Variants in TBCD observed in about 807,000 individuals in gnomAD.
TBCD encodes the protein tubulin-specific chaperone D.
Under a neutral mutation model 169.3 loss-of-function variants are expected in TBCD, and 105 were observed. The observed-to-expected ratio is 0.62, with a 90% CI of 0.53 to 0.73. The LOEUF (loss-of-function observed/expected upper bound fraction) is 0.73, where lower values mean the gene tolerates loss of function less well. Ranked by LOEUF, TBCD falls within the 30% of genes least tolerant of loss-of-function variation. TBCD has a pLI of 0.00. For missense variants in TBCD, 1,444 were observed against 1,600.1 expected (o/e 0.90, Z 1.66); for synonymous variants, 700 against 643.9 (o/e 1.09, Z -1.32).
At chr17:82,761,652 C>G (rs906825869) in intron 2 of TBCD, among the ~76,000 whole-genome samples, 1 of 151,896 alleles carries the variant, frequency 6.6e-6, no homozygotes. Context: ...CCGGGACTTA[C>G]CATTGTTGGT....
chr17:82,891,774 G>C (rs2059154060), intron 16 of TBCD, among the ~76,000 whole-genome samples: 1 of 152,130 alleles, frequency 6.6e-6, no homozygotes. Flanking sequence ...GAGGGGGCTG[G>C]GGGCAGAGAC....
In TBCD at chr17:82,904,536, AG is replaced by A. The variant is rs1451271811; in HGVS notation, c.1804+1059del. On this transcript the variant is annotated intron_variant, in intron 19 of 38. Transcript: ENST00000355528. ...AAGTCTGCACTTCTTACACTTCATC[AG>A]TGAAGAGAGAAATCCTGTTTGTTCT... Among the ~76,000 whole-genome samples the A allele has an allele frequency of 3.9e-5, 6 of 152,230 alleles. No homozygotes were observed. The East Asian group carries it at 1.2e-3, about 29-fold the overall frequency.
Position 82,915,802 on chromosome 17 carries a change from G to C in TBCD, c.2038+4013G>C, listed in dbSNP as rs1414278965. 6.6e-6 allele frequency among the ~76,000 whole-genome samples: 1 copy of C among 152,146 alleles called. No individual in the cohort carries two copies. Among genetic ancestry groups the C allele is most frequent in the Non-Finnish European group, 1.5e-5 (1 of 68,014 alleles). Reference sequence around the variant, plus strand: ...AGACGGGAGGGAAACCAGAGGGACTGGTGAGCCTTGAGTCGGCCACAGGTG... The same window carrying C: ...AGACGGGAGGGAAACCAGAGGGACTCGTGAGCCTTGAGTCGGCCACAGGTG... On this transcript the variant is annotated intron_variant, in intron 23 of 38. Transcript: ENST00000355528. This position sits in a 1 kb window ranked among gnomAD's most constrained non-coding sequence, Gnocchi z 4.3.
In TBCD at chr17:82,932,628, CCAGGGTCTCA is replaced by C; in HGVS notation, c.3114-26_3114-17del. ...AGTTGGGCGTCCTTGTTGCTGGTGT[CCAGGGTCTCA>C]CAGCTCCTTCTCCCCTCAGGGTGTC... On this transcript the variant is annotated intron_variant, in intron 33 of 38. Coordinates refer to ENST00000355528, the MANE Select transcript of TBCD (RefSeq NM_005993.5). 1 of 1,603,892 alleles carries C rather than the reference CCAGGGTCTCA, an allele frequency of 6.2e-7. No homozygotes were observed. Among genetic ancestry groups the C allele is most frequent in the Non-Finnish European group, 8.5e-7 (1 of 1,174,196 alleles).
intron 13 of TBCD, among the ~76,000 whole-genome samples, chr17:82,852,483 C>T (rs765892747): frequency 3.8e-4 from 58 of 152,242 alleles, no homozygotes; most frequent in Non-Finnish European, 7.1e-4. Context: ...GCAGCAGGCT[C>T]GGTTTCTTCC....
chr17:82,828,028 C>G (rs1252402308), intron 13 of TBCD, among the ~76,000 whole-genome samples: 1 of 151,448 alleles, frequency 6.6e-6, no homozygotes, highest in Non-Finnish European at 1.5e-5. Flanking sequence ...TACACGTGGA[C>G]ACGCACGATT....
At chr17:82,828,168 C>T (rs1329636710) in intron 13 of TBCD, among the ~76,000 whole-genome samples, 2 of 146,640 alleles carry the variant, frequency 1.4e-5, no homozygotes, top group Non-Finnish European at 3.0e-5. Context: ...CACATGCACA[C>T]CCGTACAATC....
At chr17:82,926,646 G>T (rs182595053) in intron 28 of TBCD, among the ~76,000 whole-genome samples, 155 bp downstream of exon 28, 5 of 152,326 alleles carry the variant, frequency 3.3e-5, no homozygotes, top group Non-Finnish European at 7.3e-5. Flanking sequence ...GCTGCTGGAG[G>T]CTCTTTCATT....
In TBCD at chr17:82,903,268, T is replaced by TGTGA. The variant is rs541601361; in HGVS notation, c.1731-123_1731-120dup. 1.5e-4 allele frequency: 112 copies of TGTGA among 747,064 alleles called. No individual in the cohort carries two copies. The East Asian group carries it at 1.7e-3, about 11-fold the overall frequency. The allele number at this position is 747,064 out of a possible 1,614,324, so 46.3% of individuals were successfully genotyped here. The stretch of plus-strand genomic sequence containing the variant: ...AGTCGGAGGTTCTTGTACTGGTTCG[T>TGTGA]GTGAGTGAGTGAGTGAGCCTCTGCT... On this transcript the variant is annotated intron_variant, in intron 18 of 38. Coordinates refer to ENST00000355528, the MANE Select transcript of TBCD (RefSeq NM_005993.5). This position sits in a 1 kb window ranked among gnomAD's most constrained non-coding sequence, Gnocchi z 4.8.
rs776833434 is a variant in TBCD, at chr17:82,830,680, T to C, written c.1318+15746T>C. 2.4e-5 allele frequency: 38 copies of C among 1,613,844 alleles called. No individual in the cohort carries two copies. The South Asian group carries it at 3.8e-4, about 16-fold the overall frequency. ...GAGATTGAGTGGAAGGTCCTGCAGC[T>C]CTGAGAAGCTGGCGGTTTCCGCCTG... On this transcript the variant is annotated intron_variant, in intron 13 of 38. Transcript: ENST00000355528.
In TBCD at chr17:82,903,405, G is replaced by A. The variant is rs1184698141; in HGVS notation, c.1731G>A (p.Gly577=). ...LVTMKISHWD[G]VIRELAARAL... ...TACGACATTCTCTCCTCACTCTCAG[G>A]GTCATCCGAGAGTTGGCTGCGAGGG... is the stretch of plus-strand genomic sequence containing the variant. Residue 577 remains glycine, a splice_region_variant and synonymous_variant, in exon 19 of 39, where the codon GGG becomes GGA. Transcript: ENST00000355528. The surrounding 1 kb of genome is among the most constrained non-coding windows in gnomAD (Gnocchi z 4.8). 6.2e-7 allele frequency: 1 copy of A among 1,600,982 alleles called. No homozygotes were observed. The highest frequency in any genetic ancestry group is 2.3e-5 in the East Asian group (1 of 44,338).
At chr17:82,855,789 C>G (rs930977155) in intron 13 of TBCD, among the ~76,000 whole-genome samples, 13 of 152,166 alleles carry the variant, frequency 8.5e-5, no homozygotes, top group African/African-American at 2.7e-4. Flanking sequence ...TGACACATCA[C>G]GACACATGAC....
rs137983556 is a variant in TBCD at position 82,761,693 on chromosome 17, C to T, written c.236-2272C>T. ...TATCAGTAGTTTGTACGTTTTCTCT[C>T]GTGCTGATAAATCACAATTTGTTTC... On this transcript the variant is annotated intron_variant, in intron 2 of 38. Coordinates refer to ENST00000355528, the MANE Select transcript of TBCD (RefSeq NM_005993.5). 6.5e-4 allele frequency among the ~76,000 whole-genome samples: 97 copies of T among 148,324 alleles called. 1 individual carries two copies. Among genetic ancestry groups the T allele is most frequent in the Admixed American group, 3.3e-3 (48 of 14,560 alleles).
In TBCD at chr17:82,874,423, C is replaced by G. The variant is rs922439029; in HGVS notation, c.1475+4043C>G. Among the ~76,000 whole-genome samples, 2 of 152,162 alleles carry G rather than the reference C, an allele frequency of 1.3e-5. No individual in the cohort carries two copies. The highest frequency in any genetic ancestry group is 2.9e-5 in the Non-Finnish European group (2 of 68,004). ...TTTGGAGGTCCTGGGTGCGTCTCCA[C>G]CATGGCTCCCGGGTTCCCTTGCGCA... On this transcript the variant is annotated intron_variant, in intron 14 of 38. Coordinates refer to ENST00000355528, the MANE Select transcript of TBCD (RefSeq NM_005993.5). This position sits in a 1 kb window ranked among gnomAD's most constrained non-coding sequence, Gnocchi z 5.0.
chr17:82,911,692 G>A (rs1026605150), intron 22 of TBCD, 66 bp from the exon 23 acceptor site: 3 of 1,502,312 alleles, frequency 2.0e-6, no homozygotes, highest in Non-Finnish European at 9.2e-7. Context: ...ACATTGGCAA[G>A]CATATTTCAT....
chr17:82,814,587 C>T (rs190109925), intron 12 of TBCD, among the ~76,000 whole-genome samples: 1 of 152,232 alleles, frequency 6.6e-6, no homozygotes, highest in Non-Finnish European at 1.5e-5. Context: ...GCGATCTCAG[C>T]TCACTGCAAC....
chr17:82,840,104 G>GC (rs1343840185), intron 13 of TBCD: 1 of 152,154 alleles, frequency 6.6e-6, no homozygotes, highest in Non-Finnish European at 1.5e-5. Flanking sequence ...TATTCCTCCT[G>GC]CCCGCAGCTA....
At position 82,789,920 on chromosome 17, in the gene TBCD, G is replaced by A. The variant is rs1484188393; in HGVS notation, c.772-7837G>A. Among the ~76,000 whole-genome samples, 1 of 152,194 alleles carries A rather than the reference G, an allele frequency of 6.6e-6. No homozygotes were observed. Among genetic ancestry groups the A allele is most frequent in the African/African-American group, 2.4e-5 (1 of 41,452 alleles). ...AATGGGAGCTTCTGTGCTGCTGTCC[G>A]TGCATACGGCCCAGGAGCCGGGCTC... On this transcript the variant is annotated intron_variant, in intron 7 of 38. Coordinates refer to ENST00000355528, the MANE Select transcript of TBCD (RefSeq NM_005993.5). This position sits in a 1 kb window ranked among gnomAD's most constrained non-coding sequence, Gnocchi z 4.8.
chr17:82,861,848 G>C (rs1392397488), intron 13 of TBCD, among the ~76,000 whole-genome samples: 1 of 152,122 alleles, frequency 6.6e-6, no homozygotes, highest in Non-Finnish European at 1.5e-5. Context: ...TAGAAAGTAA[G>C]GTGCTTTCAT....
Sources: allele counts gnomAD v4.1 joint callset (sites outside exome capture counted in the v4.1 genomes callset), GRCh38; gene constraint gnomAD v4.1.1; non-coding constraint Gnocchi (gnomAD v3.1); transcripts MANE v1.5; gene names NCBI Gene and HGNC (gene_info 2026-07-23, HGNC 2026-07-21).